USP42: variants seen among roughly 807,000 people sequenced by gnomAD.
USP42 encodes the protein ubiquitin specific peptidase 42.
A neutral mutation model predicts 113.0 loss-of-function variants in USP42; 23 were observed. That is an observed-to-expected ratio of 0.20 (90% CI 0.15 to 0.29). The LOEUF (loss-of-function observed/expected upper bound fraction) is 0.29. Ranked by LOEUF, USP42 falls within the 10% of genes least tolerant of loss-of-function variation. The pLI is 1.00. For missense variants in USP42, 2,174 were observed against 1,779.8 expected, an observed-to-expected ratio of 1.22 and a Z score of -3.99; for synonymous variants, 933 against 699.0, an observed-to-expected ratio of 1.33 and a Z score of -5.28.
intron 3 of USP42, among the ~76,000 whole-genome samples, chr7:6,121,842 G>A (rs898150884): frequency 6.6e-6 from 1 of 152,054 alleles, no homozygotes; most frequent in Non-Finnish European, 1.5e-5. Context: ...AATTATTTTT[G>A]TAGAGACGAG....
At position 6,139,390 on chromosome 7, in the gene USP42, G is replaced by A. The variant is rs531170082; in HGVS notation, c.656+196G>A. 3.0e-5 allele frequency: 14 copies of A among 463,100 alleles called. No individual in the cohort carries two copies. The East Asian group carries it at 4.3e-4, about 14-fold the overall frequency. 28.7% of individuals were successfully genotyped at this position (463,100 alleles called of 1,614,324 possible). ...GTTGAAATTTACACGTGTGTCTTAC[G>A]TAACAGTTTGAGTTGGCTCAATCAT... is the stretch of plus-strand genomic sequence containing the variant. On this transcript the variant is annotated intron_variant, in intron 5 of 17. Coordinates refer to ENST00000306177, the MANE Select transcript of USP42 (RefSeq NM_032172.3). This position sits in a 1 kb window ranked among gnomAD's most constrained non-coding sequence, Gnocchi z 4.5.
At position 6,135,828 on chromosome 7, in the gene USP42, A is replaced by G; in HGVS notation, c.443-13A>G. ...TATTTTGCTAATTTGGAGGATTATC[A>G]TCTATCTTTCAGGTCATGCAGAAGG... On this transcript the variant is annotated splice_polypyrimidine_tract_variant and intron_variant, in intron 3 of 17. Transcript: ENST00000306177. 5 of 1,565,594 alleles carry G rather than the reference A, an allele frequency of 3.2e-6. No individual in the cohort carries two copies. Among genetic ancestry groups the G allele is most frequent in the Non-Finnish European group, 4.3e-6 (5 of 1,152,114 alleles).
Position 6,108,770 on chromosome 7 carries a change from C to T in USP42, c.-9-2355C>T, listed in dbSNP as rs1779433211. On this transcript the variant is annotated intron_variant, in intron 1 of 17. Coordinates refer to ENST00000306177, the MANE Select transcript of USP42 (RefSeq NM_032172.3). ...CTGGGATTACAGGCGTGAGCCACTG[C>T]GCCCAGCCTCAATATTAAAAAAAAA... 2.6e-5 allele frequency among the ~76,000 whole-genome samples: 4 copies of T among 152,238 alleles called. No homozygotes were observed. In the South Asian group the frequency reaches 6.2e-4, roughly 24 times the overall value.
At chr7:6,116,103 CAAAA>C (rs1363199312) in intron 3 of USP42, among the ~76,000 whole-genome samples, 1 of 72,146 alleles carries the variant, frequency 1.4e-5, no homozygotes, top group Non-Finnish European at 3.2e-5. Context: ...GACCCTGTCT[CAAAA>C]AAAAAAAAAA....
intron 2 of USP42, among the ~76,000 whole-genome samples, chr7:6,114,725 C>T (rs1407742125): frequency 9.0e-6 from 1 of 111,516 alleles, no homozygotes; most frequent in Admixed American, 1.3e-4. Flanking sequence ...GTCTCTCGCT[C>T]TGTCTCCCAG....
At chr7:6,102,165 G>C (rs1372295721), upstream of USP42, among the ~76,000 whole-genome samples, 11 of 141,520 alleles carry the variant, frequency 7.8e-5, no homozygotes, top group Non-Finnish European at 1.2e-4. Context: ...GCCCAGGCTA[G>C]AGTGCAGTGT....
Position 6,158,710 on chromosome 7 carries a change from C to T in USP42, c.3944-740C>T, listed in dbSNP as rs1782603876. Among the ~76,000 whole-genome samples the T allele has an allele frequency of 6.6e-6, 1 of 152,170 alleles. No individual in the cohort carries two copies. The highest frequency in any genetic ancestry group is 1.5e-5 in the Non-Finnish European group (1 of 68,042). ...TCTGGACATTTCAGAATTGGTTTTG[C>T]GTTCCCATTTCAGCGAATCGGGGAA... On this transcript the variant is annotated intron_variant, in intron 16 of 17. Transcript: ENST00000306177. This position sits in a 1 kb window ranked among gnomAD's most constrained non-coding sequence, Gnocchi z 4.2.
Position 6,115,397 on chromosome 7 carries a change from A to G in USP42, c.316A>G (p.Thr106Ala). 1 of 1,614,040 alleles carries G rather than the reference A, an allele frequency of 6.2e-7. No homozygotes were observed. Among genetic ancestry groups the G allele is most frequent in the Non-Finnish European group, 8.5e-7 (1 of 1,179,900 alleles). Residue 106 changes from threonine to alanine, a missense_variant, in exon 3 of 18, where the codon ACT becomes GCT. Transcript: ENST00000306177. ...GAAGATTTGTCTTAAGTGGCAACAA[A>G]CTCATAGAGTTGGAGCTGGGCTCCA... is the stretch of plus-strand genomic sequence containing the variant. ...SEKICLKWQQ[T>A]HRVGAGLQNL...
At chr7:6,149,262 A>G (rs1160802280) in intron 12 of USP42, among the ~76,000 whole-genome samples, 6 of 152,148 alleles carry the variant, frequency 3.9e-5, no homozygotes, top group African/African-American at 1.4e-4. Context: ...AAACCCAACC[A>G]GGTAGCAAGT....
chr7:6,114,656 G>GTATATATATATATATATATATATA (rs71008362), intron 2 of USP42, among the ~76,000 whole-genome samples: 1 of 60,598 alleles, frequency 1.7e-5, no homozygotes, highest in Non-Finnish European at 2.6e-5. Flanking sequence ...ATGTGTGTGT[G>GTATATATATATATATATATATATA]TATATATATA....
chr7:6,128,583 GTCT>G (rs1780667840), intron 3 of USP42, among the ~76,000 whole-genome samples: 1 of 152,186 alleles, frequency 6.6e-6, no homozygotes, highest in South Asian at 2.1e-4. Context: ...GTGAGTCTGT[GTCT>G]TTTAACTCTC....
chr7:6,140,832 A>G, intron 6 of USP42, 82 bp from the exon 7 acceptor site: 1 of 828,740 alleles, frequency 1.2e-6, no homozygotes, highest in South Asian at 1.7e-5. Flanking sequence ...TAAATTTCAA[A>G]ATTGTATTTT....
At chr7:6,138,085 T>A (rs1781245506) in intron 4 of USP42, among the ~76,000 whole-genome samples, 1 of 152,254 alleles carries the variant, frequency 6.6e-6, no homozygotes, top group Non-Finnish European at 1.5e-5. Context: ...TATCCACTGA[T>A]ACACACATGG....
At chr7:6,149,505 A>C (rs754270575) in intron 12 of USP42, 78 bp from the exon 13 acceptor site, 1 of 1,506,410 alleles carries the variant, frequency 6.6e-7, no homozygotes, top group Non-Finnish European at 8.9e-7. Context: ...AATGGGAAGG[A>C]CCCATCAGCC....
chr7:6,108,509 T>C (rs1233343330), intron 1 of USP42, among the ~76,000 whole-genome samples: 1 of 152,124 alleles, frequency 6.6e-6, no homozygotes, highest in African/African-American at 2.4e-5. Context: ...AAAGACAGAG[T>C]CTCGCTCTGT....
intron 3 of USP42, among the ~76,000 whole-genome samples, chr7:6,124,168 G>A (rs1035988470): frequency 6.6e-6 from 1 of 151,528 alleles, no homozygotes; most frequent in Admixed American, 6.6e-5. Context: ...GAGCTACCAT[G>A]CCCAGCCCAC....
the USP42 span, among the ~76,000 whole-genome samples, chr7:6,089,748 T>G: frequency 3.5e-4 from 53 of 149,642 alleles, 4 homozygotes; most frequent in African/African-American, 1.2e-3. Context: ...GGTCAGGCTG[T>G]TCTCAAACTC....
intron 7 of USP42, among the ~76,000 whole-genome samples, chr7:6,142,113 T>C (rs1323323846): frequency 2.0e-5 from 3 of 152,250 alleles, no homozygotes; most frequent in Non-Finnish European, 4.4e-5. Flanking sequence ...CTCTATATTT[T>C]TGTTCACTTT....
intron 3 of USP42, chr7:6,116,925 G>A (rs770033103): frequency 9.9e-6 from 5 of 506,814 alleles, no homozygotes; most frequent in African/African-American, 6.0e-5. Flanking sequence ...AGAAGCTCCC[G>A]ATGTCCAGAA....
Sources: gnomAD v4.1 joint callset for allele counts (sites outside exome capture counted in the v4.1 genomes callset) on GRCh38, gnomAD v4.1.1 for gene constraint, Gnocchi (gnomAD v3.1) non-coding constraint, MANE v1.5 for transcripts, NCBI Gene and HGNC (gene_info 2026-07-23, HGNC 2026-07-21) for gene names.